The following CACNA2D3 variants were observed in gnomAD, a reference collection of about 807,000 sequenced individuals.
CACNA2D3 encodes calcium voltage-gated channel auxiliary subunit alpha2delta 3, also known as voltage-dependent calcium channel subunit alpha-2/delta-3.
CACNA2D3 carries 60 observed loss-of-function variants against 160.6 expected under a neutral mutation model. That is an observed-to-expected ratio of 0.37 (90% confidence interval 0.30 to 0.46). The LOEUF is 0.46. CACNA2D3 is among the 20% of genes least tolerant of loss of function. CACNA2D3 has a pLI of 1.00. For synonymous variants in CACNA2D3, 558 were observed against 492.9 expected, an observed-to-expected ratio of 1.13 and a Z score of -1.75; for missense variants, 1,205 against 1,365.0, an observed-to-expected ratio of 0.88 and a Z score of 1.85.
chr3:54,536,530 G>A (rs1385343141), intron 5 of CACNA2D3, among the ~76,000 whole-genome samples: 1 of 152,226 alleles, frequency 6.6e-6, no homozygotes, highest in Non-Finnish European at 1.5e-5. Context: ...CAGGCCAACA[G>A]CCCAGTAATG....
chr3:54,629,541 C>T lies in CACNA2D3; in HGVS notation c.1053+1665C>T, dbSNP rs569236702. Among the ~76,000 whole-genome samples, 13 of 152,272 alleles carry T rather than the reference C, an allele frequency of 8.5e-5. No individual in the cohort carries two copies. The South Asian group carries it at 1.2e-3, about 15-fold the overall frequency. On this transcript the variant is annotated intron_variant, in intron 10 of 37. Coordinates refer to ENST00000474759, the MANE Select transcript of CACNA2D3 (RefSeq NM_018398.3). ...AACTTCCTCAGTACAAATCCAAAGC[C>T]CCGGTCACCTAATGAGCTCCAAGGG...
At chr3:54,305,669 G>T (rs965248236) in intron 2 of CACNA2D3, among the ~76,000 whole-genome samples, 1 of 152,226 alleles carries the variant, frequency 6.6e-6, no homozygotes, top group Non-Finnish European at 1.5e-5. Context: ...CACACTGAAG[G>T]ACTTTTTCCA....
chr3:54,846,902 G>T (rs1698945121), intron 17 of CACNA2D3, among the ~76,000 whole-genome samples: 1 of 152,140 alleles, frequency 6.6e-6, no homozygotes, highest in South Asian at 2.1e-4. Flanking sequence ...AATGGGATTT[G>T]CCCCCAAATT....
intron 5 of CACNA2D3, among the ~76,000 whole-genome samples, chr3:54,533,284 G>T (rs1305173104): frequency 1.3e-5 from 2 of 150,640 alleles, no homozygotes; most frequent in Non-Finnish European, 2.9e-5. Context: ...CTGGTTCCTA[G>T]CTAGGTTGTA....
chr3:54,274,545 C>T (rs1399653423), intron 2 of CACNA2D3, among the ~76,000 whole-genome samples: 2 of 152,150 alleles, frequency 1.3e-5, no homozygotes, highest in Non-Finnish European at 2.9e-5. Flanking sequence ...CAAATTACCC[C>T]CAAAATTATC....
chr3:54,343,015 AC>A (rs1181286661), intron 3 of CACNA2D3, among the ~76,000 whole-genome samples: 5 of 152,210 alleles, frequency 3.3e-5, no homozygotes, highest in Non-Finnish European at 7.3e-5. Context: ...GTGGGCAGAC[AC>A]CCTCACACAC....
intron 1 of CACNA2D3, among the ~76,000 whole-genome samples, chr3:54,123,053 T>G (rs1699507739): frequency 6.6e-6 from 1 of 152,078 alleles, no homozygotes; most frequent in Admixed American, 6.5e-5. Context: ...CTGGAGAGGC[T>G]CACCTCAAGT....
intron 9 of CACNA2D3, among the ~76,000 whole-genome samples, chr3:54,595,345 T>G (rs569600210): frequency 1.3e-5 from 2 of 151,918 alleles, no homozygotes; most frequent in African/African-American, 4.8e-5. Flanking sequence ...TGTGTGTGTG[T>G]GTGTGTGTGT....
chr3:54,401,386 A>T (rs534877822), intron 4 of CACNA2D3, among the ~76,000 whole-genome samples: 7 of 152,326 alleles, frequency 4.6e-5, no homozygotes, highest in South Asian at 4.1e-4. Context: ...GGACATCCAG[A>T]TCTGTGAAAC....
intron 2 of CACNA2D3, among the ~76,000 whole-genome samples, chr3:54,292,693 G>A (rs1049761997): frequency 6.6e-6 from 1 of 152,222 alleles, no homozygotes; most frequent in African/African-American, 2.4e-5. Flanking sequence ...TGGCAAGGAT[G>A]TGGAGGAATC....
Position 54,300,372 on chromosome 3 carries a change from G to A in CACNA2D3, c.205-20070G>A, listed in dbSNP as rs538734378. 3.3e-5 allele frequency among the ~76,000 whole-genome samples: 5 copies of A among 152,346 alleles called. No homozygotes were observed. In the East Asian group the frequency reaches 5.8e-4, roughly 18 times the overall value. On this transcript the variant is annotated intron_variant, in intron 2 of 37. Coordinates refer to ENST00000474759, the MANE Select transcript of CACNA2D3 (RefSeq NM_018398.3). ...GCCACGTGGCATATTCTCCCAAATG[G>A]CCCTTGCCATTCCAGAGGATGTTGG...
At chr3:54,786,900 A>C (rs1010676836) in intron 13 of CACNA2D3, among the ~76,000 whole-genome samples, 1 of 152,208 alleles carries the variant, frequency 6.6e-6, no homozygotes, top group African/African-American at 2.4e-5. Flanking sequence ...GTGTGAGTGA[A>C]TGAGTCCATG....
chr3:54,202,608 AC>A (rs1701199783), intron 2 of CACNA2D3, among the ~76,000 whole-genome samples: 1 of 152,236 alleles, frequency 6.6e-6, no homozygotes, highest in Non-Finnish European at 1.5e-5. Context: ...TAATCAGGAC[AC>A]ATATTTTAAT....
rs142016844 is a variant in CACNA2D3 at position 54,235,031 on chromosome 3, C to G, written c.205-85411C>G. 1.6e-4 allele frequency among the ~76,000 whole-genome samples: 24 copies of G among 152,152 alleles called. No individual in the cohort carries two copies. In the East Asian group the frequency reaches 1.7e-3, roughly 11 times the overall value. ...TAAAATAAAAGTTAAAAAAAATTCC[C>G]GTCTTCCAGATCTTGGTTTCTAATA... is the stretch of plus-strand genomic sequence containing the variant. On this transcript the variant is annotated intron_variant, in intron 2 of 37. Transcript: ENST00000474759.
chr3:54,806,108 C>A (rs977641992), intron 13 of CACNA2D3, among the ~76,000 whole-genome samples: 4 of 152,156 alleles, frequency 2.6e-5, no homozygotes, highest in Admixed American at 6.5e-5. Flanking sequence ...ACTGAATGGG[C>A]AAAAACTGGA....
At chr3:54,608,804 A>G (rs894657434) in intron 9 of CACNA2D3, among the ~76,000 whole-genome samples, 1 of 152,228 alleles carries the variant, frequency 6.6e-6, no homozygotes, top group African/African-American at 2.4e-5. Context: ...AGAAATGTAT[A>G]ACTAGGGACC....
chr3:54,820,105 A>T (rs1033258768), intron 14 of CACNA2D3, among the ~76,000 whole-genome samples: 1 of 152,188 alleles, frequency 6.6e-6, no homozygotes, highest in African/African-American at 2.4e-5. Flanking sequence ...CAGCCACTAC[A>T]GCTTTGGCCT....
At chr3:54,199,330 A>G (rs1441959495) in intron 2 of CACNA2D3, among the ~76,000 whole-genome samples, 1 of 151,976 alleles carries the variant, frequency 6.6e-6, no homozygotes, top group African/African-American at 2.4e-5. Context: ...CTACCTCTCT[A>G]AAAGAGGACT....
At chr3:54,789,880 G>GT in intron 13 of CACNA2D3, 1 of 517,470 alleles carries the variant, frequency 1.9e-6, no homozygotes, top group Non-Finnish European at 3.9e-6. Flanking sequence ...GCAAGTTAAG[G>GT]TGACACAGGC....
Sources: allele counts gnomAD v4.1 joint callset (sites outside exome capture counted in the v4.1 genomes callset), GRCh38; gene constraint gnomAD v4.1.1; transcripts MANE v1.5; gene names NCBI Gene and HGNC (gene_info 2026-07-23, HGNC 2026-07-21).